The following ABCA13 variants were observed in gnomAD, a reference collection of about 807,000 sequenced individuals.
The protein encoded by ABCA13 is ATP binding cassette subfamily A member 13, also known as ATP-binding cassette sub-family A member 13.
In ABCA13, 476 loss-of-function variants were observed where a neutral mutation model predicts 478.7. The ratio of observed to expected loss-of-function variants is 0.99; its 90% CI spans 0.92 to 1.07. The LOEUF (loss-of-function observed/expected upper bound fraction) is 1.07, where lower values mean the gene tolerates loss of function less well. ABCA13 is among the 50% of genes least tolerant of loss of function. ABCA13 has a pLI of 0.00. For missense variants in ABCA13, 6,060 were observed against 5,910.6 expected (o/e 1.03, Z -0.83); for synonymous variants, 2,252 against 2,158.9 (o/e 1.04, Z -1.20).
intron 58 of ABCA13, among the ~76,000 whole-genome samples, chr7:48,602,573 C>T (rs1255798471): frequency 6.6e-6 from 1 of 151,974 alleles, no homozygotes; most frequent in Non-Finnish European, 1.5e-5. Flanking sequence ...GTTCTGTTCC[C>T]TTGGTCTATA....
intron 48 of ABCA13, among the ~76,000 whole-genome samples, chr7:48,499,218 G>A (rs1320487007): frequency 4.6e-5 from 7 of 152,158 alleles, no homozygotes; most frequent in Non-Finnish European, 1.0e-4. Flanking sequence ...AAAACGCCTT[G>A]TAGTCAGAAG....
At chr7:48,403,071 T>G (rs1817816382) in intron 38 of ABCA13, among the ~76,000 whole-genome samples, 1 of 152,232 alleles carries the variant, frequency 6.6e-6, no homozygotes, top group Non-Finnish European at 1.5e-5. Flanking sequence ...TGGGGAAGGC[T>G]TTGCACTGGG....
intron 23 of ABCA13, among the ~76,000 whole-genome samples, chr7:48,309,037 A>G (rs1584767400): frequency 1.5e-5 from 2 of 133,746 alleles, no homozygotes; most frequent in South Asian, 4.9e-4. Flanking sequence ...ATGACTGCAC[A>G]CACACACACA....
In ABCA13 at chr7:48,391,944, C is replaced by T; in HGVS notation, c.11678C>T (p.Pro3893Leu). The T allele has an allele frequency of 6.2e-7, 1 of 1,613,938 alleles. No homozygotes were observed. Among genetic ancestry groups the T allele is most frequent in the South Asian group, 1.1e-5 (1 of 91,066 alleles). The change falls in exon 38 of 62, where the codon CCT becomes CTT. Residue 3893 changes from proline to leucine, a missense_variant. Coordinates refer to ENST00000435803, the MANE Select transcript of ABCA13 (RefSeq NM_152701.5). ...TIISMLTGLH[P>L]PTSGTIIING... is the part of the protein sequence containing the mutation. ...AGATCCATGTTGACGGGGCTCCACC[C>T]TCCCACTTCTGGAACCATCATCATC... is the stretch of plus-strand genomic sequence containing the variant.
intron 35 of ABCA13, among the ~76,000 whole-genome samples, chr7:48,381,355 T>TCACACACATACACATA (rs1814344958): frequency 6.6e-6 from 1 of 150,910 alleles, no homozygotes; most frequent in Non-Finnish European, 1.5e-5. Flanking sequence ...TTGCTCTCTG[T>TCACACACATACACATA]CACACACATA....
chr7:48,388,499 C>T (rs1387217253), intron 36 of ABCA13, among the ~76,000 whole-genome samples: 1 of 152,176 alleles, frequency 6.6e-6, no homozygotes, highest in African/African-American at 2.4e-5. Flanking sequence ...GGTGCAGGCA[C>T]AGGGCACCTC....
At chr7:48,405,885 T>C (rs112325080) in intron 39 of ABCA13, among the ~76,000 whole-genome samples, 9 of 152,188 alleles carry the variant, frequency 5.9e-5, no homozygotes, top group African/African-American at 2.2e-4. Flanking sequence ...TTTGAAATCA[T>C]CCCTGCACTG....
At chr7:48,481,810 G>T (rs1445824038) in intron 46 of ABCA13, among the ~76,000 whole-genome samples, 1 of 152,076 alleles carries the variant, frequency 6.6e-6, no homozygotes, top group African/African-American at 2.4e-5. Flanking sequence ...CTTTTTGAAG[G>T]TGGGAACTTG....
chr7:48,356,673 A>G (rs1249796806), intron 31 of ABCA13, among the ~76,000 whole-genome samples: 1 of 151,904 alleles, frequency 6.6e-6, no homozygotes, highest in Admixed American at 6.5e-5. Context: ...TCATGGAACT[A>G]ATGTCCTGAA....
chr7:48,537,609 A>G (rs546486165), intron 55 of ABCA13, among the ~76,000 whole-genome samples: 13 of 152,290 alleles, frequency 8.5e-5, no homozygotes, highest in African/African-American at 2.6e-4. Context: ...CCTACTGGCT[A>G]TTTTAAAGAG....
At chr7:48,316,979 A>G (rs144808375) in intron 26 of ABCA13, among the ~76,000 whole-genome samples, 178 bp from the exon 27 acceptor site, 79 of 152,252 alleles carry the variant, frequency 5.2e-4, no homozygotes, top group African/African-American at 1.8e-3. Flanking sequence ...TCAAATTTCA[A>G]CTTGAGGTTT....
chr7:48,229,926 T>G lies in ABCA13; in HGVS notation c.734T>G (p.Phe245Cys). Residue 245 changes from phenylalanine to cysteine, a missense_variant, in exon 7 of 62, where the codon TTT becomes TGT. Physicochemically the swap from Phe to Cys is radical, Grantham distance 205. Around this residue, in one of 3 missense-constraint regions of ABCA13, gnomAD observed 4,423 missense variants for 4,309.1 expected, o/e 1.03. Transcript: ENST00000435803. ...VLNVTISTLTFLQQHGVAVTE... is the reference protein window; with the variant it reads ...VLNVTISTLTCLQQHGVAVTE... ...AATGTGACCATTTCGACACTGACAT[T>G]TCTGCAGCAACATGGAGTAGCAGTC... is the stretch of plus-strand genomic sequence containing the variant. 1 of 1,614,016 alleles carries G rather than the reference T, an allele frequency of 6.2e-7. No homozygotes were observed. The highest frequency in any genetic ancestry group is 1.3e-5 in the African/African-American group (1 of 75,072).
intron 23 of ABCA13, among the ~76,000 whole-genome samples, chr7:48,308,579 T>C (rs1016646874): frequency 2.6e-5 from 4 of 152,128 alleles, no homozygotes; most frequent in African/African-American, 9.7e-5. Context: ...CAATGGCTGA[T>C]GTCACTAGAA....
At chr7:48,609,164 T>G (rs1791771950) in intron 58 of ABCA13, among the ~76,000 whole-genome samples, 1 of 152,218 alleles carries the variant, frequency 6.6e-6, no homozygotes, top group Non-Finnish European at 1.5e-5. Context: ...TTCATGTTCA[T>G]GCAGAGGTTC....
rs76593492 is a variant in ABCA13, at chr7:48,633,373, A to C, written c.14838-9915A>C. Among the ~76,000 whole-genome samples the C allele has an allele frequency of 2.7e-3, 415 of 152,260 alleles. 1 individual carries two copies. Among genetic ancestry groups the C allele is most frequent in the Non-Finnish European group, 4.4e-3 (300 of 68,026 alleles). ...AGCATTAGACAGATAATTGAGGCAG[A>C]AAGCTAACAAAGAAATTCTAGACTT... On this transcript the variant is annotated intron_variant, in intron 59 of 61. Transcript: ENST00000435803.
chr7:48,331,735 A>G (rs538557111), intron 27 of ABCA13, among the ~76,000 whole-genome samples: 1 of 152,116 alleles, frequency 6.6e-6, no homozygotes, highest in Admixed American at 6.5e-5. Context: ...TTGTCTTCCA[A>G]TTTCCCATTT....
chr7:48,367,626 C>T (rs1448336477), intron 31 of ABCA13, among the ~76,000 whole-genome samples, 168 bp from the exon 32 acceptor site: 1 of 152,114 alleles, frequency 6.6e-6, no homozygotes, highest in African/African-American at 2.4e-5. Flanking sequence ...TGCATACCTA[C>T]AAAATCAGCA....
At chr7:48,286,585 A>T (rs1170719663) in intron 19 of ABCA13, among the ~76,000 whole-genome samples, 1 of 151,524 alleles carries the variant, frequency 6.6e-6, no homozygotes, top group African/African-American at 2.4e-5. Context: ...GCTCATTGCA[A>T]CCTCTACCTC....
chr7:48,227,462 T>C (rs757922624), intron 6 of ABCA13, 37 bp downstream of exon 6: 2 of 1,597,378 alleles, frequency 1.3e-6, no homozygotes, highest in South Asian at 2.3e-5. Flanking sequence ...AGTATCAATA[T>C]GTTGTTTTTT....
Sources: gnomAD v4.1 joint callset for allele counts (sites outside exome capture counted in the v4.1 genomes callset) on GRCh38, gnomAD v4.1.1 for gene constraint, gnomAD v4.1.1 regional missense constraint, MANE v1.5 for transcripts, NCBI Gene and HGNC (gene_info 2026-07-23, HGNC 2026-07-21) for gene names.